The following PLXNA4 variants were observed in gnomAD, a reference collection of about 807,000 sequenced individuals.
PLXNA4 encodes the protein plexin A4.
In PLXNA4, 44 loss-of-function variants were observed where a neutral mutation model predicts 191.8. The observed-to-expected ratio is 0.23, with a 90% CI of 0.18 to 0.29. PLXNA4 has a LOEUF of 0.29. Among genes scored for constraint, PLXNA4 ranks in the 10% least tolerant of loss-of-function variants. The pLI is 1.00. For synonymous variants in PLXNA4, 1,082 were observed against 1,009.5 expected (o/e 1.07, Z -1.36); for missense variants, 1,800 against 2,488.8 (o/e 0.72, Z 5.89).
intron 2 of PLXNA4, among the ~76,000 whole-genome samples, chr7:132,491,676 C>T (rs983254387): frequency 6.6e-6 from 1 of 151,842 alleles, no homozygotes; most frequent in Non-Finnish European, 1.5e-5. Context: ...CATGGTGACT[C>T]ATGCCTGTAA....
At chr7:132,521,052 A>T (rs1799157418) in intron 1 of PLXNA4, among the ~76,000 whole-genome samples, 1 of 152,138 alleles carries the variant, frequency 6.6e-6, no homozygotes, top group Non-Finnish European at 1.5e-5. Context: ...TCATGTAATT[A>T]GTGCTATTTA....
intron 14 of PLXNA4, among the ~76,000 whole-genome samples, chr7:132,191,833 T>TAC (rs147734395): frequency 0.3 from 43,653 of 146,872 alleles, 6,510 homozygotes; most frequent in Middle Eastern, 0.41. Context: ...TATATATATA[T>TAC]ACACACACAC....
chr7:132,467,027 GC>G (rs752588460), intron 3 of PLXNA4, among the ~76,000 whole-genome samples: 2 of 152,156 alleles, frequency 1.3e-5, no homozygotes, highest in Non-Finnish European at 2.9e-5. Flanking sequence ...TCCCTAAGCA[GC>G]CCGGTCAGGT....
intron 4 of PLXNA4, among the ~76,000 whole-genome samples, chr7:132,269,973 A>G (rs11982111): frequency 0.025 from 3,786 of 152,224 alleles, 139 homozygotes; most frequent in African/African-American, 0.085. Context: ...TGCTTGAGGG[A>G]TTGACAGGAA....
intron 3 of PLXNA4, among the ~76,000 whole-genome samples, chr7:132,414,314 T>C (rs1794576151): frequency 6.6e-6 from 1 of 152,146 alleles, no homozygotes. Flanking sequence ...CACCAGTGAG[T>C]AATGGTTTGG....
intron 5 of PLXNA4, among the ~76,000 whole-genome samples, chr7:132,229,058 A>G (rs1798434099): frequency 1.3e-5 from 2 of 152,166 alleles, no homozygotes; most frequent in South Asian, 4.1e-4. Flanking sequence ...AGATTGTATG[A>G]CAATTATTGG....
At chr7:132,188,991 A>AAGGAAAGGAC (rs1796979509) in intron 14 of PLXNA4, among the ~76,000 whole-genome samples, 1 of 42,492 alleles carries the variant, frequency 2.4e-5, no homozygotes, top group East Asian at 9.2e-4. Flanking sequence ...AAGGAAAGGA[A>AAGGAAAGGAC]AGGAGAGAGA....
intron 1 of PLXNA4, among the ~76,000 whole-genome samples, chr7:132,562,880 CTT>C (rs1801310347): frequency 8.5e-6 from 1 of 117,050 alleles, no homozygotes; most frequent in African/African-American, 3.7e-5. Flanking sequence ...TCCTCCTCTT[CTT>C]TCTCTGCCTC....
At chr7:132,343,250 A>G (rs1303308454) in intron 3 of PLXNA4, among the ~76,000 whole-genome samples, 1 of 152,210 alleles carries the variant, frequency 6.6e-6, no homozygotes, top group Non-Finnish European at 1.5e-5. Context: ...TTCCTAACAT[A>G]AAATTGACCA....
chr7:132,155,647 C>A (rs1361345909), intron 25 of PLXNA4, among the ~76,000 whole-genome samples: 1 of 152,158 alleles, frequency 6.6e-6, no homozygotes, highest in South Asian at 2.1e-4. Flanking sequence ...GCTACCTGGG[C>A]ACTGTGCCTT....
intron 1 of PLXNA4, among the ~76,000 whole-genome samples, chr7:132,533,653 C>A (rs1461783091): frequency 6.6e-6 from 1 of 152,352 alleles, no homozygotes; most frequent in East Asian, 1.9e-4. Context: ...CTGCCCACCT[C>A]GGGGAGCTCT....
At chr7:132,472,928 C>T (rs1300055446) in intron 3 of PLXNA4, among the ~76,000 whole-genome samples, 1 of 152,226 alleles carries the variant, frequency 6.6e-6, no homozygotes, top group African/African-American at 2.4e-5. Flanking sequence ...GACAGGTCCA[C>T]AGATACGGAC....
intron 24 of PLXNA4, among the ~76,000 whole-genome samples, chr7:132,162,619 C>G (rs1795983217): frequency 6.6e-6 from 1 of 152,114 alleles, no homozygotes; most frequent in Non-Finnish European, 1.5e-5. Context: ...GAAATCCATT[C>G]AGGTCTCTAT....
intron 10 of PLXNA4, among the ~76,000 whole-genome samples, chr7:132,208,240 T>C (rs1797689850): frequency 6.6e-6 from 1 of 152,180 alleles, no homozygotes; most frequent in Non-Finnish European, 1.5e-5. Flanking sequence ...TCCTGAACCA[T>C]GTGATTCCAG....
rs181461419 is a variant in PLXNA4 at position 132,349,633 on chromosome 7, A to G, written c.1372-51411T>C. 4.8e-4 allele frequency among the ~76,000 whole-genome samples: 73 copies of G among 152,324 alleles called. No homozygotes were observed. The East Asian group carries it at 0.011, about 24-fold the overall frequency. On this transcript the variant is annotated intron_variant, in intron 3 of 31. Transcript: ENST00000321063. ...AGGAGCTCATCCTAATAATGAAGCT[A>G]CAGGCTGCTTCCCACAGTTTAAATG...
At chr7:132,584,027 A>AT (rs1802459824) in intron 2 of PLXNA4, among the ~76,000 whole-genome samples, 1 of 152,128 alleles carries the variant, frequency 6.6e-6, no homozygotes, top group Non-Finnish European at 1.5e-5. Flanking sequence ...GGGACTTTTG[A>AT]TTTTGTGGAG....
rs865966780 is a variant in PLXNA4 at position 132,351,612 on chromosome 7, C to G, written c.1372-53390G>C. 3.9e-5 allele frequency among the ~76,000 whole-genome samples: 6 copies of G among 152,326 alleles called. 1 individual carries two copies. The Middle Eastern group carries it at 0.014, about 345-fold the overall frequency. ...CCAAGATACCTGCTTTGAGGTACTT[C>G]CCATCCACCTTCTCCATTACAATGG... On this transcript the variant is annotated intron_variant, in intron 3 of 31. Transcript: ENST00000321063.
chr7:132,138,828 T>G (rs1315489189), intron 30 of PLXNA4, among the ~76,000 whole-genome samples: 1 of 152,244 alleles, frequency 6.6e-6, no homozygotes, highest in East Asian at 1.9e-4. Context: ...GCCTCAGCTC[T>G]GACTATGCAG....
intron 2 of PLXNA4, among the ~76,000 whole-genome samples, chr7:132,621,378 A>G (rs531206839): frequency 1.3e-5 from 2 of 151,076 alleles, no homozygotes; most frequent in East Asian, 2.0e-4. Flanking sequence ...CTCCTGCCTC[A>G]GCCTCCCAAG....
Sources: gnomAD v4.1 joint callset for allele counts (sites outside exome capture counted in the v4.1 genomes callset) on GRCh38, gnomAD v4.1.1 for gene constraint, MANE v1.5 for transcripts, NCBI Gene and HGNC (gene_info 2026-07-23, HGNC 2026-07-21) for gene names.